The following NFRKB variants were observed in gnomAD, a reference collection of about 807,000 sequenced individuals.
NFRKB encodes nuclear factor related to kappaB binding protein.
A neutral mutation model predicts 135.7 loss-of-function variants in NFRKB; 62 were observed. The observed-to-expected ratio is 0.46, with a 90% confidence interval of 0.37 to 0.56. The LOEUF is 0.56. Among genes scored for constraint, NFRKB ranks in the 20% least tolerant of loss-of-function variants. NFRKB has a pLI of 0.00. For synonymous variants in NFRKB, 678 were observed against 635.6 expected, an observed-to-expected ratio of 1.07 and a Z score of -1.00; for missense variants, 1,545 against 1,662.0, an observed-to-expected ratio of 0.93 and a Z score of 1.22.
At chr11:129,888,869 A>G (rs1949404371) in intron 3 of NFRKB, 74 bp from the exon 4 acceptor site, 1 of 1,037,628 alleles carries the variant, frequency 9.6e-7, no homozygotes, top group South Asian at 1.5e-5. Flanking sequence ...TATACAAAAC[A>G]TTACATAATA....
chr11:129,893,098 A>G lies in NFRKB; in HGVS notation c.-21-228T>C, dbSNP rs1021680182. On this transcript the variant is annotated intron_variant, in intron 2 of 26. Coordinates refer to ENST00000682444, the MANE Select transcript of NFRKB (RefSeq NM_001143835.2). ...CTTTTCTCAGAATGCTCCTACAGTA[A>G]CTCCTAAATTCATAAATTTCATATG... is the stretch of plus-strand genomic sequence containing the variant. The G allele has an allele frequency of 1.1e-5, 16 of 1,394,074 alleles. No homozygotes were observed. In the African/African-American group the frequency reaches 2.2e-4, roughly 19 times the overall value. 86.4% of individuals were successfully genotyped at this position (1,394,074 alleles called of 1,614,324 possible). A position where few individuals can be genotyped will look rare whatever the true frequency, so the allele number is the denominator to read the frequency against.
intron 1 of NFRKB, among the ~76,000 whole-genome samples, chr11:129,894,729 A>G (rs1949698909): frequency 1.3e-5 from 2 of 152,250 alleles, no homozygotes; most frequent in Admixed American, 6.5e-5. Flanking sequence ...CTATGCCTAA[A>G]TAAGTGAAGC....
intron 17 of NFRKB, 88 bp downstream of exon 17, chr11:129,876,633 G>C (rs1309419814): frequency 7.5e-7 from 1 of 1,328,802 alleles, no homozygotes; most frequent in Non-Finnish European, 1.0e-6. Flanking sequence ...TGGGTGGAGG[G>C]GTAAGGAGAG....
intron 8 of NFRKB, among the ~76,000 whole-genome samples, 186 bp downstream of exon 8, chr11:129,883,884 C>T (rs886180504): frequency 1.3e-5 from 2 of 152,194 alleles, no homozygotes; most frequent in African/African-American, 4.8e-5. Context: ...ATTCAGCAGG[C>T]CCTGCGAAGT....
rs773291064 is a variant in NFRKB, at chr11:129,875,377, G to A, written c.1834C>T (p.Pro612Ser). 1.2e-6 allele frequency: 2 copies of A among 1,613,082 alleles called. No homozygotes were observed. The highest frequency in any genetic ancestry group is 1.1e-5 in the South Asian group (1 of 90,586). Residue 612 changes from proline to serine, a missense_variant, in exon 18 of 27, where the codon CCA becomes TCA. Physicochemically the swap from Pro to Ser is moderately conservative, Grantham distance 74 (BLOSUM62 -1). This residue lies in a region of NFRKB where 114 missense variants were observed against 211.0 expected (regional missense o/e 0.54). Coordinates refer to ENST00000682444, the MANE Select transcript of NFRKB (RefSeq NM_001143835.2). ...ELLKDSQFLAPDVTSTQVNTV... is the reference protein window; with the variant it reads ...ELLKDSQFLASDVTSTQVNTV... The stretch of plus-strand genomic sequence containing the variant: ...CCTACCTGAGTGCTGGTGACATCTG[G>A]TGCAAGAAACTGGGAGTCCTTAAGC...
intron 7 of NFRKB, 92 bp from the exon 8 acceptor site, chr11:129,884,235 C>T: frequency 7.7e-7 from 1 of 1,294,548 alleles, no homozygotes; most frequent in Non-Finnish European, 1.1e-6. Context: ...TCTGAGTTTC[C>T]CTTCTGACAC....
intron 7 of NFRKB, among the ~76,000 whole-genome samples, chr11:129,884,450 T>C (rs1386312745): frequency 6.6e-6 from 1 of 152,242 alleles, no homozygotes; most frequent in Non-Finnish European, 1.5e-5. Context: ...TGGTTATTCC[T>C]TTGTCCGCTT....
intron 22 of NFRKB, 55 bp downstream of exon 22, chr11:129,873,690 G>C (rs1948625490): frequency 1.3e-6 from 2 of 1,586,342 alleles, no homozygotes; most frequent in Admixed American, 1.7e-5. Context: ...TGACTCATCA[G>C]CCCACCTCTG....
chr11:129,874,326 C>T lies in NFRKB; in HGVS notation c.2066G>A (p.Ser689Asn), dbSNP rs774933555. ...KPKPPSKVKS[S>N]SKESSIKVLS... ...GACCTTTATGGAGCTCTCCTTGCTACTGGACTTCTAGAACGGAAGACAAAG... is the reference window on the plus strand; with the variant it reads ...GACCTTTATGGAGCTCTCCTTGCTATTGGACTTCTAGAACGGAAGACAAAG... Residue 689 changes from serine (S) to asparagine (N), a missense_variant, in exon 21 of 27, where the codon AGT becomes AAT. Physicochemically the swap from Ser to Asn is conservative, Grantham distance 46. Around this residue, in one of 3 missense-constraint regions of NFRKB, gnomAD observed 753 missense variants for 804.3 expected, o/e 0.94. Transcript: ENST00000682444. This position sits in a 1 kb window ranked among gnomAD's most constrained non-coding sequence, Gnocchi z 4.5. 4 of 1,518,210 alleles carry T rather than the reference C, an allele frequency of 2.6e-6. No individual in the cohort carries two copies. The highest frequency in any genetic ancestry group is 4.6e-5 in the Admixed American group (2 of 43,738). The allele number at this position is 1,518,210 out of a possible 1,614,324, so 94.0% of individuals were successfully genotyped here.
intron 3 of NFRKB, among the ~76,000 whole-genome samples, chr11:129,891,525 A>G (rs1949558829): frequency 6.6e-6 from 1 of 152,178 alleles, no homozygotes; most frequent in African/African-American, 2.4e-5. Flanking sequence ...ACAGAAAAGG[A>G]GTGAACTGGG....
Position 129,864,987 on chromosome 11 carries a change from C to T in NFRKB, c.3753G>A (p.Gln1251=), listed in dbSNP as rs1471555072. ...TTACCTGTGTGGCCTGACCTTGCTG[C>T]TGAAGCTGCTGCAACTGCTGAGCAG... ...FLTAQQLQQL[Q]QQGQATQVRI... The change falls in exon 26 of 27, where the codon CAG becomes CAA. Residue 1251 remains glutamine, a synonymous_variant. Coordinates refer to ENST00000682444, the MANE Select transcript of NFRKB (RefSeq NM_001143835.2). 9.3e-6 allele frequency: 15 copies of T among 1,613,260 alleles called. No homozygotes were observed. The highest frequency in any genetic ancestry group is 1.3e-5 in the African/African-American group (1 of 74,926).
chr11:129,888,493 C>T (rs758800372), intron 4 of NFRKB, 101 bp downstream of exon 4: 89 of 1,201,446 alleles, frequency 7.4e-5, no homozygotes, highest in Middle Eastern at 1.9e-4. Context: ...AGTATCTGTA[C>T]ATGAAGATAA....
rs755743126 is a variant in NFRKB, at chr11:129,875,447, A to G, written c.1764T>C (p.Ala588=). Residue 588 remains alanine (A), a synonymous_variant, in exon 18 of 27, where the codon GCT becomes GCC. Transcript: ENST00000682444. ...GTGTGCCTTCTCCATTAGGCAGTCG[A>G]GCCGCAGCGTCCCGAACTGATGACA... ...TILSLVRDAA[A]RLPNGEGTRA... 2 of 1,607,178 alleles carry G rather than the reference A, an allele frequency of 1.2e-6. No homozygotes were observed. The highest frequency in any genetic ancestry group is 2.2e-5 in the South Asian group (2 of 89,064).
intron 13 of NFRKB, among the ~76,000 whole-genome samples, chr11:129,880,609 C>T (rs1325961163): frequency 1.3e-5 from 2 of 152,208 alleles, no homozygotes; most frequent in African/African-American, 4.8e-5. Flanking sequence ...CTGCAAACTA[C>T]ATCAATTCCT....
rs1416966582 is a variant in NFRKB at position 129,882,469 on chromosome 11, A to G, written c.1064T>C (p.Ile355Thr). The change falls in exon 10 of 27, where the codon ATT becomes ACT. Residue 355 changes from isoleucine to threonine, a missense_variant. Ile to Thr is a moderately conservative substitution (Grantham distance 89, BLOSUM62 -1). Transcript: ENST00000682444. ...CACTTACTCTTCCTTGATAGCAGGA[A>G]TTGCCAGCGGAGAGGGGGCCTGTGA... ...PLSQAPSPLA[I>T]PAIKEEPLED... The G allele has an allele frequency of 6.2e-7, 1 of 1,613,102 alleles. No individual in the cohort carries two copies.
In NFRKB at chr11:129,863,659, TAAA is replaced by T. The variant is rs1304080214; in HGVS notation, c.*1063_*1065del. On this transcript the variant is annotated 3_prime_UTR_variant, in exon 27 of 27. Coordinates refer to ENST00000682444, the MANE Select transcript of NFRKB (RefSeq NM_001143835.2). ...CAAACAAACAAAAAACGCTTTTACT[TAAA>T]AGGCCATATAGGAAATACTTTAGGC... 1 of 157,434 alleles carries T rather than the reference TAAA, an allele frequency of 6.4e-6. No individual in the cohort carries two copies. The highest frequency in any genetic ancestry group is 1.4e-5 in the Non-Finnish European group (1 of 71,930). 9.8% of individuals were successfully genotyped at this position (157,434 alleles called of 1,614,324 possible). A position where few individuals can be genotyped will look rare whatever the true frequency, so the allele number is the denominator to read the frequency against.
intron 23 of NFRKB, 54 bp from the exon 24 acceptor site, chr11:129,870,315 A>T (rs1948441642): frequency 1.3e-6 from 2 of 1,546,928 alleles, no homozygotes; most frequent in African/African-American, 2.7e-5. Flanking sequence ...AACCGGTTAC[A>T]AAATACAACT....
intron 2 of NFRKB, chr11:129,893,386 C>CAAAAA: frequency 4.4e-5 from 1 of 22,666 alleles, no homozygotes; most frequent in Admixed American, 6.7e-4. Flanking sequence ...AACCCCTTCT[C>CAAAAA]TACAAAAAAA....
chr11:129,875,572 C>A (rs769388513), intron 17 of NFRKB, 109 bp from the exon 18 acceptor site: 83 of 742,836 alleles, frequency 1.1e-4, no homozygotes, highest in Admixed American at 8.0e-4. Flanking sequence ...TCCTGCTCCT[C>A]TACCTTCCCT....
Sources: allele counts gnomAD v4.1 joint callset (sites outside exome capture counted in the v4.1 genomes callset), GRCh38; gene constraint gnomAD v4.1.1; regional missense constraint gnomAD v4.1.1; non-coding constraint Gnocchi (gnomAD v3.1); transcripts MANE v1.5; gene names NCBI Gene and HGNC (gene_info 2026-07-23, HGNC 2026-07-21).